The following CACNA1E variants were observed in gnomAD, a reference collection of about 807,000 sequenced individuals.
The protein encoded by CACNA1E is calcium voltage-gated channel subunit alpha1 E.
Under a neutral mutation model 259.2 loss-of-function variants are expected in CACNA1E, and 40 were observed. That is an observed-to-expected ratio of 0.15 (90% CI 0.12 to 0.20). The LOEUF (loss-of-function observed/expected upper bound fraction) is 0.20, where lower values mean the gene tolerates loss of function less well. Among genes scored for constraint, CACNA1E ranks in the 10% least tolerant of loss-of-function variants. The pLI is 1.00. For synonymous variants in CACNA1E, 1,104 were observed against 1,138.5 expected, an observed-to-expected ratio of 0.97 and a Z score of 0.61; for missense variants, 1,874 against 3,040.1, an observed-to-expected ratio of 0.62 and a Z score of 9.02.
chr1:181,417,022 A>G (rs997294706), intron 2 of CACNA1E, among the ~76,000 whole-genome samples: 2 of 150,958 alleles, frequency 1.3e-5, no homozygotes, highest in African/African-American at 4.9e-5. Context: ...CTGACAGCTC[A>G]CCTCCATGGT....
chr1:181,695,833 T>C (rs1490117574), intron 7 of CACNA1E, among the ~76,000 whole-genome samples: 2 of 152,252 alleles, frequency 1.3e-5, no homozygotes, highest in African/African-American at 4.8e-5. Flanking sequence ...TGTCTGCCTG[T>C]AGTCCCAGCT....
chr1:181,332,613 T>C (rs1484322267), intron 1 of CACNA1E, among the ~76,000 whole-genome samples: 1 of 152,238 alleles, frequency 6.6e-6, no homozygotes, highest in East Asian at 1.9e-4. Context: ...TTTTCATTGA[T>C]CCAGAAAAAG....
chr1:181,318,544 G>C (rs1650090421), intron 1 of CACNA1E, among the ~76,000 whole-genome samples: 1 of 152,188 alleles, frequency 6.6e-6, no homozygotes, highest in African/African-American at 2.4e-5. Flanking sequence ...GAGCAGGCTC[G>C]AGCCGCTGGG....
At chr1:181,379,730 C>G (rs1655332885) in intron 1 of CACNA1E, among the ~76,000 whole-genome samples, 1 of 152,068 alleles carries the variant, frequency 6.6e-6, no homozygotes, top group Non-Finnish European at 1.5e-5. Flanking sequence ...CTCCTAAAGG[C>G]CTCACCTTCT....
intron 7 of CACNA1E, among the ~76,000 whole-genome samples, chr1:181,665,655 T>C (rs925997493): frequency 2.6e-5 from 4 of 152,188 alleles, no homozygotes; most frequent in Non-Finnish European, 5.9e-5. Flanking sequence ...GTGATGGATA[T>C]GCTAAATACC....
At chr1:181,632,526 C>T (rs1459702719) in intron 6 of CACNA1E, among the ~76,000 whole-genome samples, 1 of 152,092 alleles carries the variant, frequency 6.6e-6, no homozygotes, top group Non-Finnish European at 1.5e-5. Flanking sequence ...CAGATGTGGG[C>T]TTTGTTACAT....
chr1:181,731,342 G>C (rs1285767139), intron 19 of CACNA1E, 111 bp downstream of exon 19: 1 of 805,400 alleles, frequency 1.2e-6, no homozygotes, highest in Non-Finnish European at 2.1e-6. Flanking sequence ...GTCAGTGTGT[G>C]GCTTGGTGTG....
At chr1:181,490,665 A>G (rs1327869231) in intron 1 of CACNA1E, among the ~76,000 whole-genome samples, 2 of 150,454 alleles carry the variant, frequency 1.3e-5, no homozygotes, top group African/African-American at 2.4e-5. Context: ...TTTTTGCTGC[A>G]TTTGGGCTGC....
intron 1 of CACNA1E, among the ~76,000 whole-genome samples, chr1:181,373,366 T>C (rs1654839935): frequency 6.6e-6 from 1 of 152,090 alleles, no homozygotes; most frequent in Admixed American, 6.5e-5. Flanking sequence ...TCTTGGAAGG[T>C]TGTATGTTTC....
intron 3 of CACNA1E, among the ~76,000 whole-genome samples, chr1:181,568,657 A>T (rs1022448490): frequency 6.6e-6 from 1 of 152,100 alleles, no homozygotes; most frequent in Non-Finnish European, 1.5e-5. Flanking sequence ...GTGCAGTGGC[A>T]TGATCGTGAT....
At chr1:181,407,114 G>A (rs986211212) in intron 1 of CACNA1E, among the ~76,000 whole-genome samples, 1 of 152,148 alleles carries the variant, frequency 6.6e-6, no homozygotes, top group African/African-American at 2.4e-5. Context: ...TTGAGTCTTG[G>A]TTTACATTCA....
intron 2 of CACNA1E, among the ~76,000 whole-genome samples, chr1:181,430,143 A>G (rs12077014): frequency 0.4 from 60,610 of 152,070 alleles, 12,372 homozygotes; most frequent in African/African-American, 0.46. Context: ...CTCTGTGCAC[A>G]TACAGTAAGG....
intron 47 of CACNA1E, among the ~76,000 whole-genome samples, chr1:181,797,817 A>C (rs1661945185): frequency 1.3e-5 from 2 of 152,234 alleles, no homozygotes. Context: ...CACAGAAGAC[A>C]TGGGCAGGAA....
At chr1:181,332,797 A>G (rs1186273931) in intron 1 of CACNA1E, among the ~76,000 whole-genome samples, 1 of 152,198 alleles carries the variant, frequency 6.6e-6, no homozygotes, top group East Asian at 1.9e-4. Context: ...GATGAAAGCT[A>G]TGGACTCAAA....
intron 7 of CACNA1E, among the ~76,000 whole-genome samples, chr1:181,693,128 CAAAAA>C (rs61662957): frequency 5.1e-5 from 5 of 97,844 alleles, no homozygotes; most frequent in Non-Finnish European, 8.0e-5. Context: ...CTATCTAAAG[CAAAAA>C]AAAAAAAAAA....
chr1:181,740,344 A>G (rs1007654308), intron 25 of CACNA1E, among the ~76,000 whole-genome samples: 2 of 152,172 alleles, frequency 1.3e-5, no homozygotes, highest in African/African-American at 4.8e-5. Flanking sequence ...AAGTGTTTAG[A>G]AAGAGATCAC....
intron 1 of CACNA1E, among the ~76,000 whole-genome samples, chr1:181,319,678 T>A (rs1056420567): frequency 2.5e-4 from 38 of 152,316 alleles, no homozygotes; most frequent in African/African-American, 9.1e-4. Context: ...TGGACAGAGA[T>A]GTTGGTAATA....
At chr1:181,544,453 T>G (rs1448934815) in intron 3 of CACNA1E, among the ~76,000 whole-genome samples, 1 of 151,874 alleles carries the variant, frequency 6.6e-6, no homozygotes, top group East Asian at 1.9e-4. Context: ...ATTATGTGGT[T>G]GTAAATTATA....
At chr1:181,650,828 A>T (rs1050131223) in intron 6 of CACNA1E, among the ~76,000 whole-genome samples, 1 of 152,206 alleles carries the variant, frequency 6.6e-6, no homozygotes, top group African/African-American at 2.4e-5. Context: ...GTGCTATTGT[A>T]CTATGATGGA....
Sources: allele counts gnomAD v4.1 joint callset (sites outside exome capture counted in the v4.1 genomes callset), GRCh38; gene constraint gnomAD v4.1.1; transcripts MANE v1.5; gene names NCBI Gene and HGNC (gene_info 2026-07-23, HGNC 2026-07-21).